The following EIF4A2 variants were observed in gnomAD, a reference collection of about 807,000 sequenced individuals.
The protein encoded by EIF4A2 is eukaryotic translation initiation factor 4A2, also known as eukaryotic initiation factor 4A-II.
Under a neutral mutation model 50.6 loss-of-function variants are expected in EIF4A2, and 9 were observed. That is an observed-to-expected ratio of 0.18 (90% confidence interval 0.11 to 0.31). The LOEUF (loss-of-function observed/expected upper bound fraction) is 0.31. Ranked by LOEUF, EIF4A2 falls within the 10% of genes least tolerant of loss-of-function variation. The probability of loss-of-function intolerance (pLI) is 1.00; values close to 1 mark genes in which losing one functional copy is unlikely to be tolerated. For missense variants in EIF4A2, 182 were observed against 501.8 expected (o/e 0.36, Z 6.09); for synonymous variants, 215 against 164.4 (o/e 1.31, Z -2.35).
chr3:186,784,534 T>G (rs752121419), intron 2 of EIF4A2, 30 bp from the exon 3 acceptor site: 1 of 1,614,218 alleles, frequency 6.2e-7, no homozygotes, highest in South Asian at 1.1e-5. Flanking sequence ...TCATCTCATT[T>G]ATGCGTGCAT....
intron 1 of EIF4A2, chr3:186,784,091 C>A (rs978259324): frequency 4.2e-6 from 2 of 471,874 alleles, no homozygotes; most frequent in African/African-American, 1.9e-5. Context: ...GGACCGGTGC[C>A]GGTGAACCGT....
rs1188078525 is a variant in EIF4A2 at position 186,787,114 on chromosome 3, C to T, written c.772-13C>T. The T allele has an allele frequency of 6.2e-7, 1 of 1,612,654 alleles. No individual in the cohort carries two copies. Among genetic ancestry groups the T allele is most frequent in the Non-Finnish European group, 8.5e-7 (1 of 1,179,830 alleles). ...ACTAAATGACTGTTAACTTTAACTT[C>T]TAAACATTACAGGAATGGAAGTTGG... On this transcript the variant is annotated splice_polypyrimidine_tract_variant and intron_variant, in intron 7 of 10. Coordinates refer to ENST00000323963, the MANE Select transcript of EIF4A2 (RefSeq NM_001967.4).
At chr3:186,788,396 CA>C in intron 10 of EIF4A2, 1 of 1,283,404 alleles carries the variant, frequency 7.8e-7, no homozygotes, top group South Asian at 1.3e-5. Flanking sequence ...CGAAACAGCA[CA>C]CTGTTTGAAT....
chr3:186,787,106 T>G (rs186916940), intron 7 of EIF4A2, 21 bp from the exon 8 acceptor site: 1 of 1,612,310 alleles, frequency 6.2e-7, no homozygotes, highest in Non-Finnish European at 8.5e-7. Context: ...GACTGTTAAC[T>G]TTAACTTCTA....
chr3:186,787,345 G>A (rs774745060), intron 8 of EIF4A2, 81 bp downstream of exon 8: 21 of 1,612,414 alleles, frequency 1.3e-5, no homozygotes, highest in African/African-American at 4.0e-5. Context: ...CTGTGTTGTC[G>A]TTCCCCCTGC....
chr3:186,785,422 C>A lies in EIF4A2; in HGVS notation c.348+321C>A, dbSNP rs1038780884. The A allele has an allele frequency of 5.8e-5, 22 of 381,400 alleles. 1 individual carries two copies. The Admixed American group carries it at 9.5e-4, about 17-fold the overall frequency. 23.6% of individuals were successfully genotyped at this position (381,400 alleles called of 1,614,324 possible). ...TTACCATTTGACTGTCTCCGTAGTT[C>A]GTGATGCATCTGTTGCATGCTATGT... On this transcript the variant is annotated intron_variant, in intron 4 of 10. Coordinates refer to ENST00000323963, the MANE Select transcript of EIF4A2 (RefSeq NM_001967.4).
chr3:186,786,273 G>T lies in EIF4A2; in HGVS notation c.627G>T (p.Gln209His). ...TCCAAAAACTAAACACAAGTATTCAGGTAAGCATTACTTCACCCCCCTCTT... is the reference window on the plus strand; with the variant it reads ...TCCAAAAACTAAACACAAGTATTCATGTAAGCATTACTTCACCCCCCTCTT... ...EIFQKLNTSI[Q>H]VVLLSATMPT... is the part of the protein sequence containing the mutation. The change falls in exon 6 of 11, where the codon CAG becomes CAT. Residue 209 changes from glutamine to histidine, a missense_variant and splice_region_variant. Gln to His is a conservative substitution (Grantham distance 24, BLOSUM62 0). Coordinates refer to ENST00000323963, the MANE Select transcript of EIF4A2 (RefSeq NM_001967.4). 6.2e-7 allele frequency: 1 copy of T among 1,611,784 alleles called. No homozygotes were observed. The highest frequency in any genetic ancestry group is 1.1e-5 in the South Asian group (1 of 90,648).
chr3:186,787,209 AGGT>A lies in EIF4A2; in HGVS notation c.857_859del (p.Val286del). 1 of 1,614,128 alleles carries A rather than the reference AGGT, an allele frequency of 6.2e-7. No homozygotes were observed. Among genetic ancestry groups the A allele is most frequent in the Non-Finnish European group, 8.5e-7 (1 of 1,179,988 alleles). On this transcript the variant is annotated inframe_deletion, in exon 8 of 11. Coordinates refer to ENST00000323963, the MANE Select transcript of EIF4A2 (RefSeq NM_001967.4). ...GTTATTTTTCTCAATACGAGGCGCA[AGGT>A]GGACTGGCTGACTGAGAAGATGCAT...
At chr3:186,785,370 G>A in intron 4 of EIF4A2, 1 of 473,776 alleles carries the variant, frequency 2.1e-6, no homozygotes, top group Admixed American at 3.9e-5. Context: ...GAATGCAGTT[G>A]TGCAACATGA....
At chr3:186,784,759 T>A in intron 3 of EIF4A2, 63 bp downstream of exon 3, 1 of 1,609,546 alleles carries the variant, frequency 6.2e-7, no homozygotes, top group Non-Finnish European at 8.5e-7. Context: ...AAAGGGAAAG[T>A]AACCTCTGGG....
chr3:186,785,370 G>GT, intron 4 of EIF4A2: 1 of 473,776 alleles, frequency 2.1e-6, no homozygotes, highest in Non-Finnish European at 3.7e-6. Flanking sequence ...GAATGCAGTT[G>GT]TGCAACATGA....
intron 3 of EIF4A2, 132 bp from the exon 4 acceptor site, chr3:186,784,830 C>T: frequency 6.3e-7 from 1 of 1,598,076 alleles, no homozygotes; most frequent in Non-Finnish European, 8.5e-7. Context: ...TCGGGACTGA[C>T]CTGAAATGAA....
rs191402072 is a variant in EIF4A2, at chr3:186,789,520, T to C, written c.*251T>C. Reference sequence around the variant, plus strand: ...TGGGGTCTGTAAAATCTTTCTTTCTTAGAAATTTATTTCCTAGTTCTGTAG... The same window carrying C: ...TGGGGTCTGTAAAATCTTTCTTTCTCAGAAATTTATTTCCTAGTTCTGTAG... On this transcript the variant is annotated 3_prime_UTR_variant, in exon 11 of 11. Transcript: ENST00000323963. 1.6e-3 allele frequency: 637 copies of C among 391,304 alleles called. 1 individual carries two copies. Among genetic ancestry groups the C allele is most frequent in the Non-Finnish European group, 1.8e-3 (389 of 222,118 alleles). 24.2% of individuals were successfully genotyped at this position (391,304 alleles called of 1,614,324 possible).
chr3:186,787,940 T>A, intron 10 of EIF4A2, 58 bp downstream of exon 10: 1 of 1,555,612 alleles, frequency 6.4e-7, no homozygotes, highest in Non-Finnish European at 8.8e-7. Context: ...TCTACTGTGA[T>A]TTGTATGAAA....
At chr3:186,788,476 C>T (rs1721905046) in intron 10 of EIF4A2, 12 of 1,201,542 alleles carry the variant, frequency 1.0e-5, no homozygotes, top group Non-Finnish European at 1.2e-5. Flanking sequence ...GTTGCTCCAG[C>T]TAAGGCATTT....
intron 10 of EIF4A2, chr3:186,788,319 G>C: frequency 7.7e-7 from 1 of 1,290,446 alleles, no homozygotes; most frequent in Non-Finnish European, 1.0e-6. Context: ...GGAGTCGATA[G>C]CAGCAGTTGG....
Position 186,786,824 on chromosome 3 carries a change from C to G in EIF4A2, c.771+179C>G, listed in dbSNP as rs975331551. 4.2e-6 allele frequency: 4 copies of G among 944,890 alleles called. No homozygotes were observed. In the Admixed American group the frequency reaches 6.8e-5, roughly 16 times the overall value. The allele number at this position is 944,890 out of a possible 1,614,324, so 58.5% of individuals were successfully genotyped here. ...GGACCTCTTTCTTAATGTCCAATGT[C>G]CTTTGTCTTAAGATTTGGTGCAATA... is the stretch of plus-strand genomic sequence containing the variant. On this transcript the variant is annotated intron_variant, in intron 7 of 10. Transcript: ENST00000323963.
intron 10 of EIF4A2, chr3:186,788,489 T>C (rs1721906064): frequency 8.5e-7 from 1 of 1,178,608 alleles, no homozygotes; most frequent in East Asian, 5.8e-5. Flanking sequence ...AGGCATTTTT[T>C]TGTATTAGTA....
In EIF4A2 at chr3:186,783,593, T is replaced by G; in HGVS notation, c.-18T>G. 1 of 1,614,106 alleles carries G rather than the reference T, an allele frequency of 6.2e-7. No individual in the cohort carries two copies. The highest frequency in any genetic ancestry group is 1.1e-5 in the South Asian group (1 of 91,072). On this transcript the variant is annotated 5_prime_UTR_variant, in exon 1 of 11. Transcript: ENST00000323963. ...CGCCGCTGTCTTTTCAGTCGGGCGC[T>G]GAGTGGTTTTTCGGATCATGTCTGG... is the stretch of plus-strand genomic sequence containing the variant.
Sources: allele counts gnomAD v4.1 joint callset, GRCh38; gene constraint gnomAD v4.1.1; transcripts MANE v1.5; gene names NCBI Gene and HGNC (gene_info 2026-07-23, HGNC 2026-07-21).